The following SCLT1 variants were observed in gnomAD, a reference collection of about 807,000 sequenced individuals.
SCLT1 encodes sodium channel and clathrin linker 1.
In SCLT1, 78 loss-of-function variants were observed where a neutral mutation model predicts 112.8. That is an observed-to-expected ratio of 0.69 (90% CI 0.58 to 0.83). The LOEUF (loss-of-function observed/expected upper bound fraction) is 0.83. Ranked by LOEUF, SCLT1 falls within the 40% of genes least tolerant of loss-of-function variation. The pLI is 0.00. For missense variants in SCLT1, 747 were observed against 770.4 expected, an observed-to-expected ratio of 0.97 and a Z score of 0.36; for synonymous variants, 257 against 254.7, an observed-to-expected ratio of 1.01 and a Z score of -0.09.
downstream of SCLT1, among the ~76,000 whole-genome samples, chr4:128,879,830 G>C (rs1316003919): frequency 1.3e-5 from 2 of 152,060 alleles, no homozygotes; most frequent in African/African-American, 4.8e-5. Context: ...AGGAGATCTA[G>C]TCTCACTTTT....
intron 9 of SCLT1, among the ~76,000 whole-genome samples, chr4:128,981,048 T>C (rs1175534335): frequency 6.6e-6 from 1 of 152,198 alleles, no homozygotes; most frequent in Non-Finnish European, 1.5e-5. Flanking sequence ...CTGCCATATG[T>C]CTAGTACTGT....
chr4:129,011,519 A>G (rs1464820062), intron 5 of SCLT1, among the ~76,000 whole-genome samples: 2 of 152,034 alleles, frequency 1.3e-5, no homozygotes, highest in Admixed American at 1.3e-4. Flanking sequence ...GCCCTGAAGT[A>G]TAGTTTGAAG....
intron 2 of SCLT1, among the ~76,000 whole-genome samples, chr4:129,054,846 T>C (rs1749203191): frequency 6.6e-6 from 1 of 152,194 alleles, no homozygotes; most frequent in South Asian, 2.1e-4. Flanking sequence ...GTTTTTGGAT[T>C]TTTCAACATT....
intron 20 of SCLT1, 99 bp from the exon 21 acceptor site, chr4:128,884,638 T>C (rs1732754264): frequency 1.4e-6 from 1 of 736,942 alleles, no homozygotes; most frequent in Admixed American, 2.3e-5. Context: ...AGTACTGAAA[T>C]GGTCTTATTG....
chr4:129,090,045 C>T (rs1322681570), intron 1 of SCLT1, among the ~76,000 whole-genome samples: 1 of 152,010 alleles, frequency 6.6e-6, no homozygotes, highest in Non-Finnish European at 1.5e-5. Context: ...TACATACTAG[C>T]AACGAAAAAT....
chr4:129,092,569 G>T (rs767207161), intron 1 of SCLT1, among the ~76,000 whole-genome samples: 6 of 152,114 alleles, frequency 3.9e-5, no homozygotes, highest in Non-Finnish European at 8.8e-5. Flanking sequence ...TGAGACTGTG[G>T]CAAAAGAGCC....
At chr4:129,076,988 A>C (rs1751521637) in intron 2 of SCLT1, among the ~76,000 whole-genome samples, 1 of 152,058 alleles carries the variant, frequency 6.6e-6, no homozygotes, top group South Asian at 2.1e-4. Flanking sequence ...CCAAATATTT[A>C]ATATATTAAA....
chr4:129,027,994 G>C lies in SCLT1; in HGVS notation c.290+11047C>G, dbSNP rs564203453. Among the ~76,000 whole-genome samples, 122 of 152,232 alleles carry C rather than the reference G, an allele frequency of 8.0e-4. 2 individuals carry two copies. The South Asian group carries it at 0.024, about 30-fold the overall frequency. ...GGGACGGGAAGGACCTCTTCAAGGAGAACTACAAACCACTGCTCAATGAAA... is the reference window on the plus strand; with the variant it reads ...GGGACGGGAAGGACCTCTTCAAGGACAACTACAAACCACTGCTCAATGAAA... On this transcript the variant is annotated intron_variant, in intron 5 of 20. Transcript: ENST00000281142.
intron 5 of SCLT1, among the ~76,000 whole-genome samples, chr4:129,033,275 G>C (rs1035365800): frequency 6.6e-6 from 1 of 151,702 alleles, no homozygotes; most frequent in African/African-American, 2.4e-5. Context: ...CTCACTCATA[G>C]GTGGGAGTTG....
At chr4:129,014,567 A>T (rs1238965865) in intron 5 of SCLT1, among the ~76,000 whole-genome samples, 1 of 152,178 alleles carries the variant, frequency 6.6e-6, no homozygotes, top group Non-Finnish European at 1.5e-5. Flanking sequence ...TTTCTGAAAG[A>T]CATTAGGGGA....
At chr4:129,061,611 C>T (rs1404232937) in intron 2 of SCLT1, among the ~76,000 whole-genome samples, 1 of 152,108 alleles carries the variant, frequency 6.6e-6, no homozygotes, top group African/African-American at 2.4e-5. Context: ...GGCTAAGGTG[C>T]TGTTCTCATA....
chr4:128,964,936 C>T (rs1740046840), intron 11 of SCLT1, among the ~76,000 whole-genome samples: 1 of 152,084 alleles, frequency 6.6e-6, no homozygotes, highest in Non-Finnish European at 1.5e-5. Context: ...CTAAAAAGTA[C>T]TGGACTAAAT....
chr4:128,932,634 A>G (rs1324810338), intron 18 of SCLT1, among the ~76,000 whole-genome samples: 1 of 152,136 alleles, frequency 6.6e-6, no homozygotes, highest in Non-Finnish European at 1.5e-5. Flanking sequence ...GGCAAGACAA[A>G]TAAAAGGCAT....
intron 13 of SCLT1, among the ~76,000 whole-genome samples, chr4:128,953,177 T>C (rs1738911621): frequency 6.6e-6 from 1 of 152,242 alleles, no homozygotes; most frequent in Non-Finnish European, 1.5e-5. Context: ...GACATTTACC[T>C]ACTAATCTCT....
intron 18 of SCLT1, among the ~76,000 whole-genome samples, chr4:128,907,785 T>A (rs1455641707): frequency 6.6e-6 from 1 of 152,210 alleles, no homozygotes; most frequent in African/African-American, 2.4e-5. Context: ...TAATTGTGAC[T>A]ATCACTGGCA....
chr4:128,895,671 G>A (rs1176223543), intron 18 of SCLT1, among the ~76,000 whole-genome samples: 1 of 152,194 alleles, frequency 6.6e-6, no homozygotes, highest in Non-Finnish European at 1.5e-5. Flanking sequence ...TCTCACTGGG[G>A]AGTGTCAGAA....
intron 10 of SCLT1, among the ~76,000 whole-genome samples, chr4:128,967,403 C>G (rs1002027651): frequency 6.6e-6 from 1 of 152,210 alleles, no homozygotes; most frequent in South Asian, 2.1e-4. Context: ...AATGGCACTT[C>G]TGTTTTGAGT....
chr4:128,974,645 G>A (rs1740986737), intron 9 of SCLT1, among the ~76,000 whole-genome samples: 2 of 152,014 alleles, frequency 1.3e-5, no homozygotes, highest in African/African-American at 4.8e-5. Flanking sequence ...TATGCTCTGT[G>A]CAGTCTTGTG....
chr4:129,087,080 G>C (rs1752458629), intron 1 of SCLT1, among the ~76,000 whole-genome samples: 8 of 152,118 alleles, frequency 5.3e-5, no homozygotes, highest in Admixed American at 5.2e-4. Context: ...CCATGACACG[G>C]GGGGAGGAAA....
Sources: gnomAD v4.1 joint callset for allele counts (sites outside exome capture counted in the v4.1 genomes callset) on GRCh38, gnomAD v4.1.1 for gene constraint, MANE v1.5 for transcripts, NCBI Gene and HGNC (gene_info 2026-07-23, HGNC 2026-07-21) for gene names.